Variants in DACT2 observed in about 807,000 individuals in gnomAD.
DACT2 encodes the protein dapper homolog 2.
In DACT2, 20 loss-of-function variants were observed where a neutral mutation model predicts 22.2. The ratio of observed to expected loss-of-function variants is 0.90; its 90% CI spans 0.63 to 1.31. The LOEUF (loss-of-function observed/expected upper bound fraction) is 1.31. Ranked by LOEUF, DACT2 falls within the 50% of genes most tolerant of loss-of-function variation. The pLI is 0.00. For missense variants in DACT2, 1,048 were observed against 1,061.4 expected (o/e 0.99, Z 0.18); for synonymous variants, 463 against 479.8 (o/e 0.96, Z 0.46).
rs890288005 is a variant in DACT2, at chr6:168,308,070, C to T, written c.1687G>A (p.Glu563Lys). ...ACAGGCATGGGGTAGAGGGTGGACT[C>T]AGAACAGGAGCGCCCGGGTGCCTCC... ...AWEAPGRSCS[E>K]STLYPMPVLV... Residue 563 changes from glutamate to lysine, a missense_variant, in exon 4 of 4, where the codon GAG becomes AAG. By Grantham distance (56) the Glu-to-Lys change is moderately conservative. Transcript: ENST00000366795. 2.6e-6 allele frequency: 4 copies of T among 1,546,420 alleles called. No homozygotes were observed. Among genetic ancestry groups the T allele is most frequent in the Non-Finnish European group, 3.5e-6 (4 of 1,144,044 alleles).
At chr6:168,309,870 C>G (rs1779349275) in intron 3 of DACT2, among the ~76,000 whole-genome samples, 1 of 152,224 alleles carries the variant, frequency 6.6e-6, no homozygotes, top group African/African-American at 2.4e-5. Flanking sequence ...CCCACTCTCA[C>G]TCCAAACACC....
rs1009786406 is a variant in DACT2 at position 168,307,720 on chromosome 6, C to A, written c.2037G>T (p.Pro679=). ...CACTGGACTCTCCCTCGCTGGTCTC[C>A]GGGATGACTGACGGGAACCGCGGGT... The part of the protein sequence containing the change: ...ECDPRFPSVI[P]ETSEGESSDH... The change falls in exon 4 of 4, where the codon CCG becomes CCT. Residue 679 remains proline, a synonymous_variant. Coordinates refer to ENST00000366795, the MANE Select transcript of DACT2 (RefSeq NM_214462.5). The surrounding 1 kb of genome is among the most constrained non-coding windows in gnomAD (Gnocchi z 5.3). 1 of 1,549,916 alleles carries A rather than the reference C, an allele frequency of 6.5e-7. No homozygotes were observed. Among genetic ancestry groups the A allele is most frequent in the East Asian group, 2.4e-5 (1 of 40,886 alleles).
In DACT2 at chr6:168,310,229, T is replaced by C. The variant is rs1187908019; in HGVS notation, c.597A>G (p.Pro199=). The C allele has an allele frequency of 4.5e-6, 7 of 1,551,086 alleles. No homozygotes were observed. The highest frequency in any genetic ancestry group is 8.7e-7 in the Non-Finnish European group (1 of 1,146,970). The change falls in exon 3 of 4, where the codon CCA becomes CCG. Residue 199 remains proline, a synonymous_variant. Transcript: ENST00000366795. ...GCTGGCCTGCATCCTCCACGCTCCC[T>C]GGGGGCCTGGCGCCCTCCTCGGTAG... ...PQATEEGARP[P]GSVEDAGQPW...
chr6:168,307,644 C>T lies in DACT2; in HGVS notation c.2113G>A (p.Glu705Lys), dbSNP rs1269203699. The T allele has an allele frequency of 6.5e-7, 1 of 1,547,576 alleles. No individual in the cohort carries two copies. The highest frequency in any genetic ancestry group is 8.7e-7 in the Non-Finnish European group (1 of 1,144,390). ...CAGTCCCTGCTCTGGGCGCCGCCCT[C>T]CTCGTCGCTGCTGCTGGACTCACGG... Reference protein sequence around the residue: ...GDRESSSSDEEGGAQSRDCDL... With the variant: ...GDRESSSSDEKGGAQSRDCDL... Residue 705 changes from glutamate (E) to lysine (K), a missense_variant, in exon 4 of 4, where the codon GAG becomes AAG. Physicochemically the swap from Glu to Lys is moderately conservative, Grantham distance 56. Transcript: ENST00000366795. This position sits in a 1 kb window ranked among gnomAD's most constrained non-coding sequence, Gnocchi z 5.3.
Position 168,310,193 on chromosome 6 carries a change from T to C in DACT2, c.633A>G (p.Thr211=). 2 of 1,550,568 alleles carry C rather than the reference T, an allele frequency of 1.3e-6. No homozygotes were observed. Among genetic ancestry groups the C allele is most frequent in the Non-Finnish European group, 1.7e-6 (2 of 1,146,908 alleles). Residue 211 remains threonine, a synonymous_variant, in exon 3 of 4, where the codon ACA becomes ACG. Coordinates refer to ENST00000366795, the MANE Select transcript of DACT2 (RefSeq NM_214462.5). The part of the protein sequence containing the change: ...SVEDAGQPWG[T]FWPRPVSTGD... ...CTGTAGACACAGGCCTGGGCCAGAA[T>C]GTGCCCCACGGCTGGCCTGCATCCT...
At chr6:168,315,638 G>A (rs754395011) in intron 1 of DACT2, among the ~76,000 whole-genome samples, 3 of 152,170 alleles carry the variant, frequency 2.0e-5, no homozygotes, top group Non-Finnish European at 4.4e-5. Flanking sequence ...TAATTAAAAC[G>A]CTGCAGCACA....
At chr6:168,315,063 G>A (rs1346906977) in intron 1 of DACT2, among the ~76,000 whole-genome samples, 4 of 152,258 alleles carry the variant, frequency 2.6e-5, no homozygotes, top group Admixed American at 2.0e-4. Flanking sequence ...ATGTTGATGC[G>A]GCAGAATCAG....
chr6:168,293,881 G>C, exon 6 of DACT2: 1 of 703,336 alleles, frequency 1.4e-6, no homozygotes, highest in East Asian at 2.7e-5. Flanking sequence ...CCCCAGCTTG[G>C]TGTAGTGCTC....
chr6:168,301,940 C>T (rs1232851061), downstream of DACT2: 1 of 152,846 alleles, frequency 6.5e-6, no homozygotes, highest in Non-Finnish European at 1.5e-5. Context: ...CGGGCCCGCT[C>T]TTCTCCCTGG....
At chr6:168,299,945 G>A (rs1035275008) in intron 3 of DACT2, 5 of 152,330 alleles carry the variant, frequency 3.3e-5, no homozygotes, top group African/African-American at 1.2e-4. Context: ...ATGAAGGAGG[G>A]GCCATGTGGC....
chr6:168,310,471 C>T, intron 2 of DACT2, 25 bp from the exon 3 acceptor site: 3 of 1,534,940 alleles, frequency 2.0e-6, no homozygotes, highest in Non-Finnish European at 2.6e-6. Flanking sequence ...CAAGGCAGGT[C>T]AGTGACCCCC....
chr6:168,314,368 C>A (rs77928755), intron 1 of DACT2, among the ~76,000 whole-genome samples: 1 of 152,126 alleles, frequency 6.6e-6, no homozygotes, highest in Non-Finnish European at 1.5e-5. Context: ...CATACCAAGC[C>A]TCTCCAGGCA....
At position 168,308,550 on chromosome 6, in the gene DACT2, GC is replaced by G; in HGVS notation, c.1206del (p.Gln404SerfsTer84). 6.6e-7 allele frequency: 1 copy of G among 1,518,592 alleles called. No homozygotes were observed. The highest frequency in any genetic ancestry group is 8.8e-7 in the Non-Finnish European group (1 of 1,139,784). The allele number at this position is 1,518,592 out of a possible 1,614,324, so 94.1% of individuals were successfully genotyped here. A position where few individuals can be genotyped will look rare whatever the true frequency, so the allele number is the denominator to read the frequency against. On this transcript the variant is annotated frameshift_variant, in exon 4 of 4. Coordinates refer to ENST00000366795, the MANE Select transcript of DACT2 (RefSeq NM_214462.5). LOFTEE classifies it low-confidence loss of function (END_TRUNC). The stretch of plus-strand genomic sequence containing the variant: ...AGGGGCATGTATCCCTGCTGCTGGG[GC>G]CCGCCCCTGCCGGCACCCCTGCTCT... ...PAQSRGAGRG[G>X]PQQQGYMPLE...
At chr6:168,318,542 A>G (rs12198280) in intron 1 of DACT2, among the ~76,000 whole-genome samples, 45,194 of 152,212 alleles carry the variant, frequency 0.3, 7,267 homozygotes, top group Non-Finnish European at 0.38. Context: ...CAGAGGTAAC[A>G]CAAGTAAACA....
chr6:168,303,280 C>T (rs539087425), downstream of DACT2, among the ~76,000 whole-genome samples: 8 of 152,254 alleles, frequency 5.3e-5, no homozygotes, highest in South Asian at 1.7e-3. Flanking sequence ...TTTGTCTCCA[C>T]CAAAACCTCT....
Position 168,307,956 on chromosome 6 carries a change from C to G in DACT2, c.1801G>C (p.Val601Leu). 6.4e-7 allele frequency: 1 copy of G among 1,550,540 alleles called. No individual in the cohort carries two copies. Among genetic ancestry groups the G allele is most frequent in the Non-Finnish European group, 8.7e-7 (1 of 1,146,890 alleles). The change falls in exon 4 of 4, where the codon GTG becomes CTG. Residue 601 changes from valine (V) to leucine (L), a missense_variant. Physicochemically the swap from Val to Leu is conservative, Grantham distance 32 (BLOSUM62 1). Transcript: ENST00000366795. The surrounding 1 kb of genome is among the most constrained non-coding windows in gnomAD (Gnocchi z 5.3). ...FPFEASLLTS[V>L]ARRKHRRWQS... ...CAGCGGCGATGCTTCCTCCTGGCCACTGAGGTGAGCAGTGACGCCTCAAAG... is the reference window on the plus strand; with the variant it reads ...CAGCGGCGATGCTTCCTCCTGGCCAGTGAGGTGAGCAGTGACGCCTCAAAG...
intron 3 of DACT2, among the ~76,000 whole-genome samples, chr6:168,296,961 A>G (rs556711435): frequency 6.6e-6 from 1 of 152,234 alleles, no homozygotes; most frequent in Non-Finnish European, 1.5e-5. Flanking sequence ...CAATGAAAAC[A>G]ATGAGAAAAT....
At chr6:168,311,119 C>T (rs1344987949) in intron 2 of DACT2, 33 bp downstream of exon 2, 1 of 1,498,760 alleles carries the variant, frequency 6.7e-7, no homozygotes, top group Non-Finnish European at 8.9e-7. Flanking sequence ...GCGTGCCTGC[C>T]CCTGTGTCCG....
At chr6:168,309,407 A>ACGTGTAGACACAGGGTGCG (rs1779331512) in intron 3 of DACT2, among the ~76,000 whole-genome samples, 1 of 66,704 alleles carries the variant, frequency 1.5e-5, no homozygotes, top group Non-Finnish European at 2.9e-5. Flanking sequence ...GACACCGCAC[A>ACGTGTAGACACAGGGTGCG]GGGCCGTTTG....
Sources: gnomAD v4.1 joint callset for allele counts (sites outside exome capture counted in the v4.1 genomes callset) on GRCh38, gnomAD v4.1.1 for gene constraint, Gnocchi (gnomAD v3.1) non-coding constraint, MANE v1.5 for transcripts, NCBI Gene and HGNC (gene_info 2026-07-23, HGNC 2026-07-21) for gene names.